The following SNX29 variants were observed in gnomAD, a reference collection of about 807,000 sequenced individuals.
SNX29 encodes the protein sorting nexin-29.
SNX29 carries 78 observed loss-of-function variants against 102.1 expected under a neutral mutation model. That is an observed-to-expected ratio of 0.76 (90% CI 0.64 to 0.92). The LOEUF (loss-of-function observed/expected upper bound fraction) is 0.92, where lower values mean the gene tolerates loss of function less well. Among genes scored for constraint, SNX29 ranks in the 40% least tolerant of loss-of-function variants. The probability of loss-of-function intolerance (pLI) is 0.00; values close to 1 mark genes in which losing one functional copy is unlikely to be tolerated. For synonymous variants in SNX29, 580 were observed against 414.5 expected (o/e 1.40, Z -4.85); for missense variants, 1,280 against 1,061.7 (o/e 1.21, Z -2.86).
intron 20 of SNX29, among the ~76,000 whole-genome samples, chr16:12,547,168 T>A (rs540361985): frequency 6.6e-6 from 1 of 152,264 alleles, no homozygotes; most frequent in African/African-American, 2.4e-5. Flanking sequence ...GATGTGCTGT[T>A]TATGGTCTAG....
chr16:12,013,487 G>GA (rs1567525502), intron 3 of SNX29, among the ~76,000 whole-genome samples: 3 of 6,988 alleles, frequency 4.3e-4, no homozygotes, highest in African/African-American at 9.3e-4. Flanking sequence ...CTCTACTGGG[G>GA]GAAAAAAAAA....
chr16:12,429,347 TC>T (rs1365995517), intron 18 of SNX29, among the ~76,000 whole-genome samples: 1 of 152,196 alleles, frequency 6.6e-6, no homozygotes, highest in Non-Finnish European at 1.5e-5. Context: ...GCAGTTGATA[TC>T]TCCTTCTAGC....
intron 14 of SNX29, among the ~76,000 whole-genome samples, chr16:12,200,923 A>G (rs1403551064): frequency 6.6e-6 from 1 of 152,236 alleles, no homozygotes; most frequent in Non-Finnish European, 1.5e-5. Context: ...TTCCAAAACA[A>G]TGAATTCAGA....
chr16:12,163,629 G>A (rs1166549239), intron 13 of SNX29, among the ~76,000 whole-genome samples: 2 of 152,206 alleles, frequency 1.3e-5, no homozygotes, highest in African/African-American at 2.4e-5. Context: ...GAAATCTCCT[G>A]TAGAAGCTTC....
intron 20 of SNX29, among the ~76,000 whole-genome samples, chr16:12,559,903 C>T (rs536999491): frequency 2.0e-5 from 3 of 152,264 alleles, no homozygotes; most frequent in East Asian, 1.9e-4. Context: ...GGCATGAATG[C>T]AGGAGGTGGA....
rs869038793 is a variant in SNX29 at position 12,043,746 on chromosome 16, TTG to T, written c.428+671_428+672del. On this transcript the variant is annotated intron_variant, in intron 5 of 20. Transcript: ENST00000566228. ...ACATTGGGGAAGGAAGTCATTTTTTTTGTTGTTGTTTGTTTGTTTGTTTTTGA... is the reference window on the plus strand; with the variant it reads ...ACATTGGGGAAGGAAGTCATTTTTTTTTGTTGTTTGTTTGTTTGTTTTTGA... 3.5e-3 allele frequency among the ~76,000 whole-genome samples: 455 copies of T among 128,758 alleles called. 3 individuals carry two copies. Among genetic ancestry groups the T allele is most frequent in the African/African-American group, 0.011 (420 of 37,028 alleles). The allele number at this position is 128,758 out of a possible 152,430, so 84.5% of individuals were successfully genotyped here.
chr16:12,007,752 C>T (rs1295666422), intron 3 of SNX29, among the ~76,000 whole-genome samples: 4 of 152,230 alleles, frequency 2.6e-5, no homozygotes, highest in African/African-American at 9.6e-5. Context: ...TCGTTCTTGT[C>T]CTGCTTCCAC....
chr16:12,311,939 C>G (rs567007191), intron 15 of SNX29, among the ~76,000 whole-genome samples: 1 of 152,292 alleles, frequency 6.6e-6, no homozygotes, highest in Admixed American at 6.5e-5. Context: ...GTAGGCAGCT[C>G]TTTTCCATGA....
At chr16:12,567,999 C>G (rs1057406009) in intron 20 of SNX29, among the ~76,000 whole-genome samples, 1 of 152,168 alleles carries the variant, frequency 6.6e-6, no homozygotes, top group Non-Finnish European at 1.5e-5. Context: ...GGCTCTTAAA[C>G]ACAATACCAT....
At chr16:12,128,987 G>A (rs917833593) in intron 12 of SNX29, among the ~76,000 whole-genome samples, 5 of 152,136 alleles carry the variant, frequency 3.3e-5, no homozygotes, top group Non-Finnish European at 7.3e-5. Flanking sequence ...TCCTGTGCTG[G>A]CTGCCAGCCC....
chr16:12,327,435 G>T (rs1183910136), intron 15 of SNX29, among the ~76,000 whole-genome samples: 1 of 151,972 alleles, frequency 6.6e-6, no homozygotes, highest in African/African-American at 2.4e-5. Context: ...TGTCGGCAGG[G>T]TTGTTTTCTG....
intron 14 of SNX29, among the ~76,000 whole-genome samples, chr16:12,258,282 C>T (rs899357879): frequency 6.6e-6 from 1 of 152,190 alleles, no homozygotes; most frequent in Non-Finnish European, 1.5e-5. Context: ...CTGTGTGTAC[C>T]TTCTTTCAGT....
At chr16:12,549,964 T>A (rs537985216) in intron 20 of SNX29, among the ~76,000 whole-genome samples, 2 of 152,380 alleles carry the variant, frequency 1.3e-5, no homozygotes, top group Admixed American at 1.3e-4. Flanking sequence ...TATTGGAACA[T>A]GCCCAGTCAT....
chr16:11,988,084 A>G (rs2055700539), intron 1 of SNX29, among the ~76,000 whole-genome samples: 1 of 152,124 alleles, frequency 6.6e-6, no homozygotes, highest in Admixed American at 6.6e-5. Context: ...ACCTGAGGTC[A>G]GGAGTTTGAG....
At chr16:12,347,914 CAAAAA>C (rs386384275) in intron 15 of SNX29, among the ~76,000 whole-genome samples, 18 of 121,124 alleles carry the variant, frequency 1.5e-4, no homozygotes, top group African/African-American at 5.6e-4. Context: ...CCTGTCTTTA[CAAAAA>C]AAAAAAAAAA....
intron 15 of SNX29, among the ~76,000 whole-genome samples, chr16:12,292,733 G>A (rs2079842350): frequency 6.6e-6 from 1 of 152,220 alleles, no homozygotes; most frequent in Non-Finnish European, 1.5e-5. Context: ...GTGAGACTTA[G>A]GACTTTGCTT....
Position 12,323,342 on chromosome 16 carries a change from C to G in SNX29, c.1783-32821C>G, listed in dbSNP as rs116821582. ...CGTGAGTTGTGCTGTCTGCCCACCA[C>G]TACTGATTTAATATTTTCTTTAAAT... is the stretch of plus-strand genomic sequence containing the variant. On this transcript the variant is annotated intron_variant, in intron 15 of 20. Coordinates refer to ENST00000566228, the MANE Select transcript of SNX29 (RefSeq NM_032167.5). Among the ~76,000 whole-genome samples the G allele has an allele frequency of 6.0e-3, 919 of 152,094 alleles. 9 individuals are homozygous for G. Among genetic ancestry groups the G allele is most frequent in the African/African-American group, 0.021 (851 of 41,396 alleles).
At chr16:12,566,685 C>T (rs1454746547) in intron 20 of SNX29, among the ~76,000 whole-genome samples, 2 of 83,738 alleles carry the variant, frequency 2.4e-5, no homozygotes, top group African/African-American at 5.0e-5. Context: ...GATAAAGAGG[C>T]TCTTCGTAAG....
intron 18 of SNX29, among the ~76,000 whole-genome samples, chr16:12,426,284 A>G (rs2151608574): frequency 6.6e-6 from 1 of 152,278 alleles, no homozygotes; most frequent in African/African-American, 2.4e-5. Context: ...TCTCTATGCC[A>G]GGATCCAGGA....
Sources: gnomAD v4.1 joint callset for allele counts (sites outside exome capture counted in the v4.1 genomes callset) on GRCh38, gnomAD v4.1.1 for gene constraint, MANE v1.5 for transcripts, NCBI Gene and HGNC (gene_info 2026-07-23, HGNC 2026-07-21) for gene names.